The following DPYD variants were observed in gnomAD, a reference collection of about 807,000 sequenced individuals.
The protein encoded by DPYD is dihydropyrimidine dehydrogenase [NADP(+)].
Under a neutral mutation model 116.2 loss-of-function variants are expected in DPYD, and 109 were observed. The observed-to-expected ratio is 0.94, with a 90% CI of 0.80 to 1.10. The LOEUF (loss-of-function observed/expected upper bound fraction) is 1.10, where lower values mean the gene tolerates loss of function less well. Ranked by LOEUF, DPYD falls within the 50% of genes least tolerant of loss-of-function variation. DPYD has a pLI of 0.00. For missense variants in DPYD, 1,302 were observed against 1,254.5 expected (o/e 1.04, Z -0.57); for synonymous variants, 440 against 432.0 (o/e 1.02, Z -0.23).
At chr1:97,106,652 A>AT (rs1651172804) in intron 20 of DPYD, among the ~76,000 whole-genome samples, 1 of 152,020 alleles carries the variant, frequency 6.6e-6, no homozygotes, top group African/African-American at 2.4e-5. Flanking sequence ...AGGCCTGCAG[A>AT]TTCAGGCATA....
intron 14 of DPYD, among the ~76,000 whole-genome samples, chr1:97,427,845 C>G (rs919981962): frequency 6.6e-6 from 1 of 151,978 alleles, no homozygotes; most frequent in Middle Eastern, 3.2e-3. Flanking sequence ...ATGTTGCTCC[C>G]ATCAAACCAT....
At chr1:97,393,341 C>T (rs4950032) in intron 14 of DPYD, among the ~76,000 whole-genome samples, 9,945 of 151,386 alleles carry the variant, frequency 0.066, 430 homozygotes, top group East Asian at 0.17. Flanking sequence ...ATGTTCACAA[C>T]GTTCAGGTTT....
chr1:97,751,482 A>ATATATACATATATATATATATATATATG, intron 3 of DPYD, among the ~76,000 whole-genome samples: 1 of 126,582 alleles, frequency 7.9e-6, no homozygotes. Context: ...ATATATATAT[A>ATATATACATATATATATATATATATATG]TATATATATA....
intron 4 of DPYD, among the ~76,000 whole-genome samples, chr1:97,725,514 C>T (rs988073036): frequency 1.3e-5 from 2 of 151,496 alleles, no homozygotes; most frequent in African/African-American, 4.8e-5. Context: ...AAGAATGAAG[C>T]TAGAGGACTA....
At chr1:97,405,527 T>C (rs1673607373) in intron 14 of DPYD, among the ~76,000 whole-genome samples, 1 of 152,120 alleles carries the variant, frequency 6.6e-6, no homozygotes, top group Non-Finnish European at 1.5e-5. Context: ...CTTTTGTTTG[T>C]TTTTTTGAGA....
intron 14 of DPYD, among the ~76,000 whole-genome samples, chr1:97,397,550 A>G (rs1673084964): frequency 6.6e-6 from 1 of 151,902 alleles, no homozygotes; most frequent in Non-Finnish European, 1.5e-5. Context: ...CCTCCTGCCT[A>G]TCACTGATTT....
intron 11 of DPYD, among the ~76,000 whole-genome samples, chr1:97,556,837 G>A (rs1651760332): frequency 6.6e-6 from 1 of 151,038 alleles, no homozygotes; most frequent in Admixed American, 6.6e-5. Context: ...TGTCTTTATA[G>A]CAGCATGATT....
intron 19 of DPYD, among the ~76,000 whole-genome samples, chr1:97,195,634 G>GTATGTGTA (rs1557929548): frequency 5.5e-4 from 32 of 57,664 alleles, no homozygotes; most frequent in East Asian, 1.3e-3. Flanking sequence ...ATATGTATGT[G>GTATGTGTA]TATATATATA....
At chr1:97,123,268 C>T (rs1652586439) in intron 20 of DPYD, among the ~76,000 whole-genome samples, 1 of 152,088 alleles carries the variant, frequency 6.6e-6, no homozygotes, top group Admixed American at 6.6e-5. Context: ...AAGATATACA[C>T]ACAAACAGTT....
chr1:97,639,779 A>G (rs890564290), intron 8 of DPYD, among the ~76,000 whole-genome samples: 2 of 152,172 alleles, frequency 1.3e-5, no homozygotes, highest in Non-Finnish European at 2.9e-5. Context: ...CAATTATCTC[A>G]TTGTTAATTC....
chr1:97,832,130 G>C (rs902720050), intron 2 of DPYD, among the ~76,000 whole-genome samples: 3 of 143,248 alleles, frequency 2.1e-5, no homozygotes, highest in African/African-American at 5.1e-5. Context: ...AGTGACTCTG[G>C]GTTAGGTACT....
At chr1:97,579,114 T>G (rs766832351) in intron 10 of DPYD, among the ~76,000 whole-genome samples, 3 of 152,138 alleles carry the variant, frequency 2.0e-5, no homozygotes, top group Non-Finnish European at 4.4e-5. Flanking sequence ...TATAAGCCCA[T>G]GAACATTAAG....
chr1:97,715,508 C>G (rs147626489), intron 5 of DPYD, among the ~76,000 whole-genome samples: 139 of 152,220 alleles, frequency 9.1e-4, no homozygotes, highest in African/African-American at 3.1e-3. Flanking sequence ...AATGCCCAAT[C>G]AATGTTAGTT....
chr1:97,882,153 T>C (rs992638687), intron 2 of DPYD, among the ~76,000 whole-genome samples: 1 of 152,016 alleles, frequency 6.6e-6, no homozygotes, highest in African/African-American at 2.4e-5. Flanking sequence ...CTGGTTTCCT[T>C]TTAGAGACCT....
intron 19 of DPYD, among the ~76,000 whole-genome samples, chr1:97,220,922 C>G (rs991445438): frequency 1.1e-4 from 16 of 152,260 alleles, no homozygotes; most frequent in African/African-American, 3.4e-4. Flanking sequence ...CCCAAGTTTA[C>G]TCCAAATTTC....
chr1:97,405,182 T>C (rs966717485), intron 14 of DPYD, among the ~76,000 whole-genome samples: 4 of 152,106 alleles, frequency 2.6e-5, no homozygotes, highest in Non-Finnish European at 4.4e-5. Context: ...CAATCAAATA[T>C]ATTGTTACTA....
At chr1:97,323,245 TTTATATAC>T (rs1475462208) in intron 16 of DPYD, among the ~76,000 whole-genome samples, 6 of 149,028 alleles carry the variant, frequency 4.0e-5, no homozygotes, top group East Asian at 2.0e-4. Flanking sequence ...TGTATACACA[TTTATATAC>T]TTATATACAT....
At chr1:97,788,691 C>A (rs1667167811) in intron 3 of DPYD, among the ~76,000 whole-genome samples, 1 of 152,176 alleles carries the variant, frequency 6.6e-6, no homozygotes. Context: ...AGAATCCAAC[C>A]TGATTTTCCC....
At chr1:97,289,971 A>C (rs1181637535) in intron 18 of DPYD, among the ~76,000 whole-genome samples, 1 of 152,196 alleles carries the variant, frequency 6.6e-6, no homozygotes, top group African/African-American at 2.4e-5. Context: ...CCTTAAGCTG[A>C]TAAGCAACTT....
Sources: allele counts gnomAD v4.1 joint callset (sites outside exome capture counted in the v4.1 genomes callset), GRCh38; gene constraint gnomAD v4.1.1; transcripts MANE v1.5; gene names NCBI Gene and HGNC (gene_info 2026-07-23, HGNC 2026-07-21).